The following MAML3 variants were observed in gnomAD, a reference collection of about 807,000 sequenced individuals.
MAML3 encodes mastermind like transcriptional coactivator 3.
MAML3 carries 27 observed loss-of-function variants against 101.9 expected under a neutral mutation model. That is an observed-to-expected ratio of 0.27 (90% confidence interval 0.20 to 0.37). MAML3 has a LOEUF of 0.37. Among genes scored for constraint, MAML3 ranks in the 10% least tolerant of loss-of-function variants. The pLI is 1.00. For missense variants in MAML3, 1,316 were observed against 1,444.9 expected (o/e 0.91, Z 1.45); for synonymous variants, 501 against 555.9 (o/e 0.90, Z 1.39).
chr4:139,941,259 G>C lies in MAML3; in HGVS notation c.469-50292C>G, dbSNP rs567647028. ...TTTGAAAATTCTTTTCAGGGTGGAAGACTTTCTAGCCTTAGTTATATGTGT... is the reference window on the plus strand; with the variant it reads ...TTTGAAAATTCTTTTCAGGGTGGAACACTTTCTAGCCTTAGTTATATGTGT... On this transcript the variant is annotated intron_variant, in intron 1 of 4. Transcript: ENST00000509479. 8.5e-5 allele frequency among the ~76,000 whole-genome samples: 13 copies of C among 152,298 alleles called. No homozygotes were observed. The East Asian group carries it at 2.3e-3, about 27-fold the overall frequency.
chr4:139,851,888 G>A (rs2111156364), intron 2 of MAML3, among the ~76,000 whole-genome samples: 1 of 152,298 alleles, frequency 6.6e-6, no homozygotes, highest in East Asian at 1.9e-4. Context: ...ATAGCTGAGG[G>A]ATTGCTGATA....
chr4:139,764,212 C>G (rs919811337), intron 2 of MAML3, among the ~76,000 whole-genome samples: 2 of 152,208 alleles, frequency 1.3e-5, no homozygotes, highest in African/African-American at 2.4e-5. Context: ...ACAAGCAATC[C>G]TGCTGACGAG....
At chr4:139,779,136 T>C (rs2111077334) in intron 2 of MAML3, among the ~76,000 whole-genome samples, 1 of 152,310 alleles carries the variant, frequency 6.6e-6, no homozygotes, top group East Asian at 1.9e-4. Flanking sequence ...ACACATACAA[T>C]GGCTGACCAT....
chr4:139,800,596 C>T (rs1321825212), intron 2 of MAML3, among the ~76,000 whole-genome samples: 1 of 152,182 alleles, frequency 6.6e-6, no homozygotes. Context: ...GCTGCTCAGA[C>T]TTTAGCAACG....
chr4:139,750,712 G>T (rs1427476812), intron 2 of MAML3, among the ~76,000 whole-genome samples: 1 of 152,090 alleles, frequency 6.6e-6, no homozygotes, highest in Non-Finnish European at 1.5e-5. Context: ...TACTTTCTTT[G>T]TATATTCTAC....
At chr4:139,889,029 G>A (rs1226543041) in intron 2 of MAML3, among the ~76,000 whole-genome samples, 1 of 152,216 alleles carries the variant, frequency 6.6e-6, no homozygotes, top group African/African-American at 2.4e-5. Flanking sequence ...AGAAGCTACA[G>A]AGGTAGTGCC....
At chr4:139,908,476 T>C (rs1347779052) in intron 1 of MAML3, among the ~76,000 whole-genome samples, 1 of 152,218 alleles carries the variant, frequency 6.6e-6, no homozygotes, top group Non-Finnish European at 1.5e-5. Flanking sequence ...AGGGGAATGT[T>C]TAACCTACTT....
intron 2 of MAML3, among the ~76,000 whole-genome samples, chr4:139,755,130 C>G (rs761864442): frequency 1.3e-5 from 2 of 152,226 alleles, no homozygotes; most frequent in Non-Finnish European, 2.9e-5. Flanking sequence ...GTTGGCTTGG[C>G]CAGCTGGCCG....
At chr4:139,851,094 C>T (rs1196104291) in intron 2 of MAML3, among the ~76,000 whole-genome samples, 1 of 152,164 alleles carries the variant, frequency 6.6e-6, no homozygotes, top group Non-Finnish European at 1.5e-5. Flanking sequence ...GTATGCTCTC[C>T]TTTCAAATAC....
In MAML3 at chr4:140,152,894, G is replaced by A. The variant is rs1243748387; in HGVS notation, c.434C>T (p.Ala145Val). Residue 145 changes from alanine to valine, a missense_variant, in exon 1 of 5, where the codon GCC (alanine) becomes GTC (valine). By Grantham distance (64) the Ala-to-Val change is moderately conservative. Coordinates refer to ENST00000509479, the MANE Select transcript of MAML3 (RefSeq NM_018717.5). ...PSKPQQDAEA[A>V]SAEQRNHTLI... ...CGTGTGGTTCCTCTGCTCCGCCGAGGCAGCCTCCGCATCTTGCTGGGGTTT... is the reference window on the plus strand; with the variant it reads ...CGTGTGGTTCCTCTGCTCCGCCGAGACAGCCTCCGCATCTTGCTGGGGTTT... 3 of 1,612,236 alleles carry A rather than the reference G, an allele frequency of 1.9e-6. No individual in the cohort carries two copies. The highest frequency in any genetic ancestry group is 1.3e-5 in the African/African-American group (1 of 74,868).
At chr4:139,920,083 T>C (rs1431947395) in intron 1 of MAML3, among the ~76,000 whole-genome samples, 2 of 152,250 alleles carry the variant, frequency 1.3e-5, no homozygotes, top group Non-Finnish European at 2.9e-5. Flanking sequence ...ATACATTTTA[T>C]TTTTAAATGT....
chr4:140,072,970 G>A lies in MAML3; in HGVS notation c.468+79890C>T, dbSNP rs1727689952. 3.9e-5 allele frequency among the ~76,000 whole-genome samples: 6 copies of A among 152,122 alleles called. No homozygotes were observed. The South Asian group carries it at 1.2e-3, about 32-fold the overall frequency. On this transcript the variant is annotated intron_variant, in intron 1 of 4. Transcript: ENST00000509479. ...TTCATCCCAATATGAGCATTTCCTGGGTGAAATTTCTCTAAATTTAAGTCG... is the reference window on the plus strand; with the variant it reads ...TTCATCCCAATATGAGCATTTCCTGAGTGAAATTTCTCTAAATTTAAGTCG...
At chr4:139,946,875 C>G (rs1733737224) in intron 1 of MAML3, among the ~76,000 whole-genome samples, 1 of 145,448 alleles carries the variant, frequency 6.9e-6, no homozygotes, top group Admixed American at 7.2e-5. Context: ...CCAAATTTCT[C>G]CAGGCAGAGT....
intron 2 of MAML3, among the ~76,000 whole-genome samples, chr4:139,761,014 A>G (rs1302254442): frequency 6.6e-6 from 1 of 152,006 alleles, no homozygotes; most frequent in Non-Finnish European, 1.5e-5. Context: ...GCTGGAGTAC[A>G]ATGGCGCAAT....
chr4:140,071,043 C>T (rs72935755), intron 1 of MAML3, among the ~76,000 whole-genome samples: 8,129 of 152,276 alleles, frequency 0.053, 475 homozygotes, highest in African/African-American at 0.14. Context: ...CATTTTTCTG[C>T]CCTGAACTCC....
At chr4:139,956,381 G>T (rs917385233) in intron 1 of MAML3, among the ~76,000 whole-genome samples, 1 of 152,178 alleles carries the variant, frequency 6.6e-6, no homozygotes, top group African/African-American at 2.4e-5. Context: ...AAAAAGTCGA[G>T]CAATACATTT....
Position 139,719,788 on chromosome 4 carries a change from A to G in MAML3, c.2952T>C (p.Asn984=). The change falls in exon 5 of 5, where the codon AAT becomes AAC. Residue 984 remains asparagine (N), a synonymous_variant. Coordinates refer to ENST00000509479, the MANE Select transcript of MAML3 (RefSeq NM_018717.5). ...RTSGELGPFN[N]GASYPLQAGQ... is the part of the protein sequence containing the mutation. The stretch of plus-strand genomic sequence containing the variant: ...CAGCTTGAAGAGGGTAGCTGGCGCC[A>G]TTGTTGAATGGTCCCAATTCTCCAC... 2 of 1,613,656 alleles carry G rather than the reference A, an allele frequency of 1.2e-6. No individual in the cohort carries two copies. The highest frequency in any genetic ancestry group is 8.5e-7 in the Non-Finnish European group (1 of 1,179,898).
At chr4:139,801,643 GGTGT>G (rs755484864) in intron 2 of MAML3, among the ~76,000 whole-genome samples, 254 of 30,758 alleles carry the variant, frequency 8.3e-3, no homozygotes, top group East Asian at 0.017. Context: ...GGTGTGTGTG[GGTGT>G]GTGTGTGTGT....
chr4:139,938,820 G>A (rs766706986), intron 1 of MAML3, among the ~76,000 whole-genome samples: 1 of 152,160 alleles, frequency 6.6e-6, no homozygotes, highest in Non-Finnish European at 1.5e-5. Flanking sequence ...TATGTTCAAC[G>A]AACAGTACGC....
Sources: allele counts gnomAD v4.1 joint callset (sites outside exome capture counted in the v4.1 genomes callset), GRCh38; gene constraint gnomAD v4.1.1; transcripts MANE v1.5; gene names NCBI Gene and HGNC (gene_info 2026-07-23, HGNC 2026-07-21).